The following PLCB1 variants were observed in gnomAD, a reference collection of about 807,000 sequenced individuals.
PLCB1 encodes 1-phosphatidylinositol 4,5-bisphosphate phosphodiesterase beta-1.
In PLCB1, 46 loss-of-function variants were observed where a neutral mutation model predicts 161.8. The ratio of observed to expected loss-of-function variants is 0.28; its 90% CI spans 0.22 to 0.36. PLCB1 has a LOEUF of 0.36. Ranked by LOEUF, PLCB1 falls within the 10% of genes least tolerant of loss-of-function variation. PLCB1 has a pLI of 1.00. For missense variants in PLCB1, 1,016 were observed against 1,472.5 expected (o/e 0.69, Z 5.07); for synonymous variants, 517 against 503.7 (o/e 1.03, Z -0.35).
At chr20:8,367,346 C>T (rs890919012) in intron 2 of PLCB1, among the ~76,000 whole-genome samples, 9 of 152,126 alleles carry the variant, frequency 5.9e-5, no homozygotes, top group Non-Finnish European at 1.3e-4. Flanking sequence ...TCAGCATCAC[C>T]TGGAGGTTTA....
intron 2 of PLCB1, among the ~76,000 whole-genome samples, chr20:8,170,553 A>G (rs2051723230): frequency 6.6e-6 from 1 of 152,316 alleles, no homozygotes; most frequent in African/African-American, 2.4e-5. Context: ...AAAACAAATC[A>G]ATAAATCTGT....
intron 31 of PLCB1, among the ~76,000 whole-genome samples, chr20:8,852,235 C>G (rs1244335780): frequency 1.3e-5 from 2 of 152,140 alleles, no homozygotes; most frequent in Non-Finnish European, 2.9e-5. Context: ...TTTTGCTGGT[C>G]TCCCAAAAGA....
chr20:8,619,688 C>T (rs1343600628), intron 3 of PLCB1, among the ~76,000 whole-genome samples: 1 of 151,946 alleles, frequency 6.6e-6, no homozygotes, highest in Admixed American at 6.6e-5. Flanking sequence ...AATGGAAGAA[C>T]CAGGAACTGA....
At chr20:8,172,113 T>C (rs1303743383) in intron 2 of PLCB1, among the ~76,000 whole-genome samples, 2 of 152,190 alleles carry the variant, frequency 1.3e-5, no homozygotes, top group African/African-American at 4.8e-5. Context: ...ATTCACTTAT[T>C]CAGCACAATT....
chr20:8,474,163 TG>T (rs1982170722), intron 3 of PLCB1, among the ~76,000 whole-genome samples: 1 of 152,226 alleles, frequency 6.6e-6, no homozygotes, highest in African/African-American at 2.4e-5. Flanking sequence ...TCACCTGCTA[TG>T]TGCCTTGTAA....
At chr20:8,247,787 G>A (rs1600260296) in intron 2 of PLCB1, among the ~76,000 whole-genome samples, 3 of 151,966 alleles carry the variant, frequency 2.0e-5, no homozygotes, top group South Asian at 4.2e-4. Context: ...AAATGACAAA[G>A]GACCACTTGT....
intron 27 of PLCB1, among the ~76,000 whole-genome samples, chr20:8,785,055 AT>A (rs1983418157): frequency 6.6e-6 from 1 of 152,174 alleles, no homozygotes; most frequent in South Asian, 2.1e-4. Context: ...ATAATAAGAT[AT>A]TTACATACAA....
intron 31 of PLCB1, among the ~76,000 whole-genome samples, chr20:8,862,141 A>G (rs1421008666): frequency 4.6e-5 from 7 of 152,182 alleles, no homozygotes; most frequent in Admixed American, 3.9e-4. Flanking sequence ...CCTCTTGTAG[A>G]ATACATTTAG....
intron 2 of PLCB1, among the ~76,000 whole-genome samples, chr20:8,181,337 A>G (rs545576774): frequency 6.6e-6 from 1 of 151,976 alleles, no homozygotes; most frequent in East Asian, 1.9e-4. Context: ...GGGGAATGCT[A>G]GGAATGTGTG....
chr20:8,311,517 A>C (rs1169370314), intron 2 of PLCB1, among the ~76,000 whole-genome samples: 1 of 152,164 alleles, frequency 6.6e-6, no homozygotes, highest in Admixed American at 6.5e-5. Context: ...CTTCCTTTTT[A>C]GAAACGAGAG....
intron 4 of PLCB1, among the ~76,000 whole-genome samples, chr20:8,631,402 A>G (rs1271596762): frequency 6.6e-6 from 1 of 152,238 alleles, no homozygotes; most frequent in Non-Finnish European, 1.5e-5. Flanking sequence ...AACCAAAAAA[A>G]CATTAACTAT....
At chr20:8,447,281 T>A (rs763725451) in intron 3 of PLCB1, among the ~76,000 whole-genome samples, 1 of 152,180 alleles carries the variant, frequency 6.6e-6, no homozygotes, top group Non-Finnish European at 1.5e-5. Flanking sequence ...TTTAGGGGCC[T>A]GGGTTTTACT....
intron 3 of PLCB1, among the ~76,000 whole-genome samples, chr20:8,587,727 A>G (rs2123098258): frequency 6.6e-6 from 1 of 152,352 alleles, no homozygotes; most frequent in Non-Finnish European, 1.5e-5. Flanking sequence ...CTAATGCAGA[A>G]TTTGTTCATC....
intron 2 of PLCB1, among the ~76,000 whole-genome samples, chr20:8,240,270 CATG>C (rs976804242): frequency 1.2e-4 from 15 of 123,310 alleles, no homozygotes; most frequent in African/African-American, 3.7e-4. Context: ...CCAAAATTTT[CATG>C]ATATTGACAC....
chr20:8,459,827 G>A (rs1346354185), intron 3 of PLCB1, among the ~76,000 whole-genome samples: 1 of 152,196 alleles, frequency 6.6e-6, no homozygotes, highest in African/African-American at 2.4e-5. Flanking sequence ...AAATTGCCTG[G>A]AGTGATAAAC....
At chr20:8,187,088 T>C (rs1446254662) in intron 2 of PLCB1, among the ~76,000 whole-genome samples, 1 of 152,098 alleles carries the variant, frequency 6.6e-6, no homozygotes, top group African/African-American at 2.4e-5. Context: ...TCTTCTTACT[T>C]TACATTTGTT....
intron 3 of PLCB1, among the ~76,000 whole-genome samples, chr20:8,411,125 C>T (rs1414691006): frequency 6.6e-6 from 1 of 152,166 alleles, no homozygotes; most frequent in African/African-American, 2.4e-5. Context: ...TTTATCACAT[C>T]ATCTAAAACT....
At chr20:8,470,538 T>A in intron 3 of PLCB1, among the ~76,000 whole-genome samples, 1 of 152,160 alleles carries the variant, frequency 6.6e-6, no homozygotes, top group African/African-American at 2.4e-5. Context: ...TGCATTTGCT[T>A]ACTTTGTTTT....
At chr20:8,660,928 A>AT (rs1989605391) in intron 9 of PLCB1, among the ~76,000 whole-genome samples, 1 of 152,168 alleles carries the variant, frequency 6.6e-6, no homozygotes, top group African/African-American at 2.4e-5. Flanking sequence ...TCATAGCCTT[A>AT]TGCTTAACTT....
Sources: gnomAD v4.1 joint callset for allele counts (sites outside exome capture counted in the v4.1 genomes callset) on GRCh38, gnomAD v4.1.1 for gene constraint, MANE v1.5 for transcripts, NCBI Gene and HGNC (gene_info 2026-07-23, HGNC 2026-07-21) for gene names.